Variants in LEPR observed in about 807,000 individuals in gnomAD.
LEPR encodes leptin receptor, also known as OB receptor.
A neutral mutation model predicts 114.7 loss-of-function variants in LEPR; 56 were observed. That is an observed-to-expected ratio of 0.49 (90% confidence interval 0.39 to 0.61). LEPR has a LOEUF of 0.61. Among genes scored for constraint, LEPR ranks in the 20% least tolerant of loss-of-function variants. The pLI is 0.00. For missense variants in LEPR, 1,202 were observed against 1,352.9 expected (o/e 0.89, Z 1.75); for synonymous variants, 443 against 461.4 (o/e 0.96, Z 0.51).
At chr1:65,589,969 G>A (rs1655576559) in intron 5 of LEPR, among the ~76,000 whole-genome samples, 1 of 151,890 alleles carries the variant, frequency 6.6e-6, no homozygotes, top group African/African-American at 2.4e-5. Context: ...AGCCTGTTGA[G>A]ATTGTGAGTA....
chr1:65,510,826 G>C (rs114440713), intron 2 of LEPR, among the ~76,000 whole-genome samples: 192 of 152,208 alleles, frequency 1.3e-3, no homozygotes, highest in African/African-American at 4.6e-3. Flanking sequence ...CAACACACAG[G>C]GGGCATTTGT....
In LEPR at chr1:65,627,518, G is replaced by A. The variant is rs570747807; in HGVS notation, c.2673+4537G>A. Among the ~76,000 whole-genome samples, 40 of 152,234 alleles carry A rather than the reference G, an allele frequency of 2.6e-4. No homozygotes were observed. The East Asian group carries it at 6.8e-3, about 26-fold the overall frequency. ...TTATCATATACTGACAGTGGGAATG[G>A]AATAGCAACTCTTTCGGTAAATAGT... is the stretch of plus-strand genomic sequence containing the variant. On this transcript the variant is annotated intron_variant, in intron 19 of 19. Coordinates refer to ENST00000349533, the MANE Select transcript of LEPR (RefSeq NM_002303.6).
intron 16 of LEPR, 37 bp downstream of exon 16, chr1:65,618,183 A>G (rs1411493995): frequency 6.4e-7 from 1 of 1,565,242 alleles, no homozygotes; most frequent in East Asian, 2.3e-5. Context: ...GCTCTCATGG[A>G]TTAATATGAC....
intron 2 of LEPR, among the ~76,000 whole-genome samples, chr1:65,564,983 T>C (rs1653626046): frequency 6.6e-6 from 1 of 152,250 alleles, no homozygotes. Flanking sequence ...AGACTTTTAA[T>C]TATTCTAACT....
intron 19 of LEPR, among the ~76,000 whole-genome samples, chr1:65,632,667 C>T (rs1658571640): frequency 6.6e-6 from 1 of 152,162 alleles, no homozygotes; most frequent in Admixed American, 6.6e-5. Flanking sequence ...CATATAATTT[C>T]TGAGATCTTA....
At chr1:65,540,146 C>A (rs1651087799) in intron 2 of LEPR, among the ~76,000 whole-genome samples, 1 of 152,206 alleles carries the variant, frequency 6.6e-6, no homozygotes, top group Middle Eastern at 3.4e-3. Context: ...CCAAAATGGC[C>A]TCTCCTTTTA....
chr1:65,521,729 T>C (rs1050078952), intron 2 of LEPR, among the ~76,000 whole-genome samples: 1 of 152,246 alleles, frequency 6.6e-6, no homozygotes, highest in Non-Finnish European at 1.5e-5. Context: ...AAATTGTTTT[T>C]CCATGAGGAC....
intron 2 of LEPR, among the ~76,000 whole-genome samples, chr1:65,430,851 T>C (rs1343748676): frequency 6.6e-6 from 1 of 152,194 alleles, no homozygotes; most frequent in African/African-American, 2.4e-5. Context: ...CAGAATGCCA[T>C]AGGGGCACCA....
intron 2 of LEPR, among the ~76,000 whole-genome samples, chr1:65,453,455 A>G (rs1305599158): frequency 1.9e-4 from 29 of 151,768 alleles, no homozygotes; most frequent in Non-Finnish European, 8.8e-5. Flanking sequence ...CTTTGAATGC[A>G]TCCCAGAGAT....
At chr1:65,613,086 G>C (rs1024052948) in intron 14 of LEPR, among the ~76,000 whole-genome samples, 2 of 152,278 alleles carry the variant, frequency 1.3e-5, no homozygotes, top group South Asian at 4.1e-4. Context: ...CTGCATGGGA[G>C]ATTTGTCTGT....
intron 2 of LEPR, among the ~76,000 whole-genome samples, chr1:65,517,133 C>T (rs751332171): frequency 2.6e-5 from 4 of 152,144 alleles, no homozygotes; most frequent in Non-Finnish European, 5.9e-5. Context: ...AAATGGGATA[C>T]GGTGTATAAA....
intron 2 of LEPR, among the ~76,000 whole-genome samples, chr1:65,511,903 A>ATTGCTGCTCTCT (rs1649052585): frequency 6.6e-6 from 1 of 152,202 alleles, no homozygotes; most frequent in African/African-American, 2.4e-5. Context: ...AATTGCTGTA[A>ATTGCTGCTCTCT]AGAAATACCT....
At chr1:65,518,915 T>TTCTC (rs151080008) in intron 2 of LEPR, among the ~76,000 whole-genome samples, 1 of 81,192 alleles carries the variant, frequency 1.2e-5, no homozygotes, top group East Asian at 2.1e-4. Context: ...CTTTCTTTCT[T>TTCTC]TCTCTCTTTC....
rs1658620174 is a variant in LEPR, at chr1:65,633,917, A to G, written c.2674-2274A>G. The G allele has an allele frequency of 2.0e-6, 2 of 985,324 alleles. No individual in the cohort carries two copies. Among genetic ancestry groups the G allele is most frequent in the Admixed American group, 6.2e-5 (1 of 16,254 alleles). 61.0% of individuals were successfully genotyped at this position (985,324 alleles called of 1,614,324 possible). A position where few individuals can be genotyped will look rare whatever the true frequency, so the allele number is the denominator to read the frequency against. ...TACATACCCAGGTCAGATTGACGGG[A>G]CCAGAAGGGAACATCGACTTCTAAT... On this transcript the variant is annotated intron_variant, in intron 19 of 19. Transcript: ENST00000349533. This position sits in a 1 kb window ranked among gnomAD's most constrained non-coding sequence, Gnocchi z 4.1.
At chr1:65,442,114 G>C (rs1334819290) in intron 2 of LEPR, among the ~76,000 whole-genome samples, 2 of 152,102 alleles carry the variant, frequency 1.3e-5, no homozygotes, top group East Asian at 3.9e-4. Flanking sequence ...TACCCCAAAT[G>C]CCTCAGAAAT....
chr1:65,538,942 AT>A (rs796734919), intron 2 of LEPR, among the ~76,000 whole-genome samples: 3 of 145,748 alleles, frequency 2.1e-5, no homozygotes, highest in East Asian at 2.1e-4. Flanking sequence ...ATTTTCTTGT[AT>A]TTTTTTTGTG....
At chr1:65,600,949 C>T (rs942496735) in intron 8 of LEPR, among the ~76,000 whole-genome samples, 9 of 151,842 alleles carry the variant, frequency 5.9e-5, no homozygotes, top group African/African-American at 1.9e-4. Context: ...AAGACAATAG[C>T]GGCAATCATT....
At chr1:65,441,825 A>G (rs1646653249) in intron 2 of LEPR, among the ~76,000 whole-genome samples, 1 of 152,176 alleles carries the variant, frequency 6.6e-6, no homozygotes, top group African/African-American at 2.4e-5. Flanking sequence ...AGAATTTTTG[A>G]TAACAAGGAT....
chr1:65,624,871 CCT>C (rs1658104893), intron 19 of LEPR, among the ~76,000 whole-genome samples: 1 of 151,972 alleles, frequency 6.6e-6, no homozygotes, highest in African/African-American at 2.4e-5. Flanking sequence ...GAAAGAATGC[CCT>C]GTCTTCAGAA....
Sources: allele counts gnomAD v4.1 joint callset (sites outside exome capture counted in the v4.1 genomes callset), GRCh38; gene constraint gnomAD v4.1.1; non-coding constraint Gnocchi (gnomAD v3.1); transcripts MANE v1.5; gene names NCBI Gene and HGNC (gene_info 2026-07-23, HGNC 2026-07-21).